Variants in LRBA observed in about 807,000 individuals in gnomAD.
The protein encoded by LRBA is LPS responsive beige-like anchor protein.
Under a neutral mutation model 330.0 loss-of-function variants are expected in LRBA, and 176 were observed. The observed-to-expected ratio is 0.53, with a 90% CI of 0.47 to 0.60. The LOEUF is 0.60. Ranked by LOEUF, LRBA falls within the 20% of genes least tolerant of loss-of-function variation. The pLI, the probability that LRBA is intolerant of heterozygous loss-of-function variation, is 0.00. For synonymous variants in LRBA, 1,230 were observed against 1,193.0 expected (o/e 1.03, Z -0.64); for missense variants, 3,259 against 3,444.8 (o/e 0.95, Z 1.35).
intron 2 of LRBA, among the ~76,000 whole-genome samples, chr4:150,972,613 C>T (rs1263075005): frequency 6.6e-6 from 1 of 152,090 alleles, no homozygotes; most frequent in East Asian, 1.9e-4. Context: ...GCTTAAAAAA[C>T]GTATTTCACA....
At chr4:150,502,795 T>G (rs1441678313) in intron 40 of LRBA, among the ~76,000 whole-genome samples, 1 of 152,182 alleles carries the variant, frequency 6.6e-6, no homozygotes, top group Admixed American at 6.5e-5. Context: ...GGGAATTCCC[T>G]TTCCTAGTCA....
At chr4:150,464,110 A>G (rs2152055663) in intron 44 of LRBA, among the ~76,000 whole-genome samples, 1 of 151,994 alleles carries the variant, frequency 6.6e-6, no homozygotes, top group South Asian at 2.1e-4. Flanking sequence ...CCATCTTAGT[A>G]CTCATCACAT....
At chr4:150,455,081 C>T (rs1280974568) in intron 44 of LRBA, among the ~76,000 whole-genome samples, 2 of 151,182 alleles carry the variant, frequency 1.3e-5, no homozygotes, top group South Asian at 2.1e-4. Context: ...CCCACTAACT[C>T]GTCATCTAGC....
At chr4:150,734,597 C>A (rs1233431804) in intron 36 of LRBA, among the ~76,000 whole-genome samples, 1 of 152,120 alleles carries the variant, frequency 6.6e-6, no homozygotes, top group African/African-American at 2.4e-5. Flanking sequence ...TACTACTTGT[C>A]AAATTTTCTA....
At chr4:151,005,894 A>G (rs1744017820) in intron 2 of LRBA, among the ~76,000 whole-genome samples, 1 of 150,846 alleles carries the variant, frequency 6.6e-6, no homozygotes, top group Admixed American at 6.6e-5. Context: ...GTGAGCCACC[A>G]TGCCCGGCAA....
Position 150,852,241 on chromosome 4 carries a change from GA to G in LRBA, c.3468del (p.Gln1157LysfsTer26). ...DMFGNDDKLI[F>X]QEGKPVTEKQ... is the part of the protein sequence containing the mutation. ...TTTTCAGTAACAGGTTTTCCTTCTT[GA>G]AATATTAATTTGTCATCATTACCAA... is the stretch of plus-strand genomic sequence containing the variant. On this transcript the variant is annotated frameshift_variant, in exon 23 of 57. Transcript: ENST00000651943. LOFTEE classifies it high-confidence loss of function. 6.2e-7 allele frequency: 1 copy of G among 1,614,040 alleles called. No individual in the cohort carries two copies. Among genetic ancestry groups the G allele is most frequent in the Non-Finnish European group, 8.5e-7 (1 of 1,179,970 alleles).
chr4:150,431,703 G>A (rs114773558), intron 46 of LRBA, among the ~76,000 whole-genome samples: 2,067 of 151,736 alleles, frequency 0.014, 21 homozygotes, highest in Middle Eastern at 0.051. Context: ...AATTACATAA[G>A]TGGCTTATAT....
intron 40 of LRBA, among the ~76,000 whole-genome samples, chr4:150,504,513 A>G (rs1320894300): frequency 1.3e-5 from 2 of 152,234 alleles, no homozygotes; most frequent in Non-Finnish European, 2.9e-5. Context: ...AGTGAACAAG[A>G]AATAAAATAC....
chr4:150,279,695 A>C (rs935064059), intron 55 of LRBA, among the ~76,000 whole-genome samples: 2 of 152,242 alleles, frequency 1.3e-5, no homozygotes, highest in Non-Finnish European at 2.9e-5. Flanking sequence ...AGGAAATAAA[A>C]ACCCATGTGT....
intron 37 of LRBA, among the ~76,000 whole-genome samples, chr4:150,678,860 T>A (rs972699100): frequency 2.6e-5 from 4 of 152,148 alleles, no homozygotes; most frequent in African/African-American, 9.6e-5. Context: ...TATATTGCAC[T>A]TATGAGTACC....
In LRBA at chr4:150,403,829, G is replaced by A. The variant is rs533919220; in HGVS notation, c.7194+11609C>T. Among the ~76,000 whole-genome samples the A allele has an allele frequency of 4.6e-5, 7 of 152,184 alleles. No individual in the cohort carries two copies. In the South Asian group the frequency reaches 1.5e-3, roughly 32 times the overall value. On this transcript the variant is annotated intron_variant, in intron 47 of 56. Coordinates refer to ENST00000651943, the MANE Select transcript of LRBA (RefSeq NM_001364905.1). ...TTGAGGTCAGGAGTTTAAGGAGTTT[G>A]AGACCAGCCTGACCAACATGGTGAA...
At chr4:150,800,948 A>G (rs925351122) in intron 33 of LRBA, among the ~76,000 whole-genome samples, 19 of 152,196 alleles carry the variant, frequency 1.2e-4, no homozygotes. Flanking sequence ...TCACCCAGAT[A>G]TATCACTTCA....
At chr4:150,986,588 C>T (rs1741490929) in intron 2 of LRBA, among the ~76,000 whole-genome samples, 1 of 152,176 alleles carries the variant, frequency 6.6e-6, no homozygotes, top group African/African-American at 2.4e-5. Flanking sequence ...AGACTGCTAT[C>T]CCAACTGTTT....
intron 2 of LRBA, among the ~76,000 whole-genome samples, chr4:150,939,365 A>G (rs1735429942): frequency 6.6e-6 from 1 of 152,226 alleles, no homozygotes; most frequent in South Asian, 2.1e-4. Flanking sequence ...CAGAGAAAAT[A>G]TCATGTGAAA....
At chr4:150,335,202 T>C (rs554577078) in intron 48 of LRBA, among the ~76,000 whole-genome samples, 115 of 152,022 alleles carry the variant, frequency 7.6e-4, no homozygotes, top group African/African-American at 2.3e-3. Flanking sequence ...AAAGTTATTA[T>C]AGCACTCTAT....
At position 150,916,600 on chromosome 4, in the gene LRBA, G is replaced by C; in HGVS notation, c.767+17C>G. 6.3e-7 allele frequency: 1 copy of C among 1,599,470 alleles called. No individual in the cohort carries two copies. Among genetic ancestry groups the C allele is most frequent in the South Asian group, 1.1e-5 (1 of 88,298 alleles). ...CAAAGTAAGGTTTTAACACTAATCA[G>C]TTACAGAAATACATACCAATACAAA... On this transcript the variant is annotated intron_variant, in intron 6 of 56. Transcript: ENST00000651943.
At chr4:151,000,888 C>T (rs955941549) in intron 2 of LRBA, among the ~76,000 whole-genome samples, 13 of 152,216 alleles carry the variant, frequency 8.5e-5, no homozygotes, top group African/African-American at 3.1e-4. Flanking sequence ...ACAGCCTGCT[C>T]GGCTGGGAGC....
chr4:150,276,983 A>G (rs1746866392), intron 56 of LRBA, among the ~76,000 whole-genome samples: 1 of 152,240 alleles, frequency 6.6e-6, no homozygotes, highest in Admixed American at 6.5e-5. Context: ...ATCTATGTTT[A>G]TTGCGGCACT....
At chr4:150,735,430 C>A in intron 35 of LRBA, 64 bp from the exon 36 acceptor site, 1 of 1,066,628 alleles carries the variant, frequency 9.4e-7, no homozygotes, top group Non-Finnish European at 1.5e-6. Context: ...TGATTATTCA[C>A]TGCTTACGGT....
Sources: gnomAD v4.1 joint callset for allele counts (sites outside exome capture counted in the v4.1 genomes callset) on GRCh38, gnomAD v4.1.1 for gene constraint, MANE v1.5 for transcripts, NCBI Gene and HGNC (gene_info 2026-07-23, HGNC 2026-07-21) for gene names.